Variants in AMOTL1 observed in about 807,000 individuals in gnomAD.
AMOTL1 encodes angiomotin-like protein 1.
A neutral mutation model predicts 102.9 loss-of-function variants in AMOTL1; 45 were observed. That is an observed-to-expected ratio of 0.44 (90% CI 0.34 to 0.56). The LOEUF (loss-of-function observed/expected upper bound fraction) is 0.56. Among genes scored for constraint, AMOTL1 ranks in the 20% least tolerant of loss-of-function variants. The probability of loss-of-function intolerance (pLI) is 0.01; values close to 1 mark genes in which losing one functional copy is unlikely to be tolerated. For missense variants in AMOTL1, 1,114 were observed against 1,225.6 expected, an observed-to-expected ratio of 0.91 and a Z score of 1.36; for synonymous variants, 481 against 484.7, an observed-to-expected ratio of 0.99 and a Z score of 0.10.
chr11:94,850,227 G>A lies in AMOTL1; in HGVS notation c.1762G>A (p.Ala588Thr), dbSNP rs569228643. 3 of 1,595,628 alleles carry A rather than the reference G, an allele frequency of 1.9e-6. No individual in the cohort carries two copies. The highest frequency in any genetic ancestry group is 1.7e-6 in the Non-Finnish European group (2 of 1,170,964). The change falls in exon 7 of 13, where the codon GCC becomes ACC. Residue 588 changes from alanine (A) to threonine (T), a missense_variant. Coordinates refer to ENST00000433060, the MANE Select transcript of AMOTL1 (RefSeq NM_130847.3). Reference sequence around the variant, plus strand: ...GATCCTGGACCAGGCTTTGAGCAACGCCCAGGCCAGGGTCATCAAGCTGGA... The same window carrying A: ...GATCCTGGACCAGGCTTTGAGCAACACCCAGGCCAGGGTCATCAAGCTGGA... ...IEILDQALSN[A>T]QARVIKLEEE...
intron 3 of AMOTL1, among the ~76,000 whole-genome samples, chr11:94,814,050 A>G (rs1951726018): frequency 6.6e-6 from 1 of 152,196 alleles, no homozygotes; most frequent in African/African-American, 2.4e-5. Context: ...CTACTCAGGT[A>G]GCTTCGGGTG....
chr11:94,723,502 T>A (rs1244712376), intron 1 of AMOTL1, among the ~76,000 whole-genome samples: 1 of 152,136 alleles, frequency 6.6e-6, no homozygotes, highest in South Asian at 2.1e-4. Context: ...ATAGCACAAA[T>A]TATTTATTGG....
intron 1 of AMOTL1, among the ~76,000 whole-genome samples, chr11:94,770,822 G>C (rs1374315220): frequency 1.3e-5 from 2 of 152,182 alleles, no homozygotes; most frequent in Non-Finnish European, 2.9e-5. Flanking sequence ...GATTTTATGG[G>C]AAAGCACTCC....
chr11:94,826,745 C>T (rs1951972530), intron 4 of AMOTL1, among the ~76,000 whole-genome samples: 1 of 152,232 alleles, frequency 6.6e-6, no homozygotes, highest in Non-Finnish European at 1.5e-5. Context: ...AATGTCACCA[C>T]ACTGGGAATC....
intron 8 of AMOTL1, among the ~76,000 whole-genome samples, chr11:94,858,977 C>CT (rs1438944942): frequency 6.6e-6 from 1 of 152,166 alleles, no homozygotes; most frequent in Non-Finnish European, 1.5e-5. Flanking sequence ...TCTCAGGCCT[C>CT]TGAGTGGGGC....
intron 11 of AMOTL1, 175 bp downstream of exon 11, chr11:94,866,343 A>G: frequency 1.5e-6 from 1 of 658,052 alleles, no homozygotes; most frequent in Non-Finnish European, 2.6e-6. Flanking sequence ...AGCATTGTGT[A>G]AATTCTAAAG....
At chr11:94,831,625 G>C in intron 6 of AMOTL1, 84 bp downstream of exon 6, 1 of 1,209,860 alleles carries the variant, frequency 8.3e-7, no homozygotes, top group Non-Finnish European at 1.2e-6. Flanking sequence ...GTTTCAAGTG[G>C]GTTTTGTGCT....
Position 94,859,592 on chromosome 11 carries a change from G to A in AMOTL1, c.2012G>A (p.Arg671Gln), listed in dbSNP as rs376912369. The A allele has an allele frequency of 5.0e-6, 8 of 1,613,890 alleles. 1 individual carries two copies. The highest frequency in any genetic ancestry group is 4.0e-5 in the African/African-American group (3 of 75,040). Reference sequence around the variant, plus strand: ...GCCCCAGCCCTCCTGGAACTTGTGCGGGAGAAGGAGGAGCGGATCCTGGCC... The same window carrying A: ...GCCCCAGCCCTCCTGGAACTTGTGCAGGAGAAGGAGGAGCGGATCCTGGCC... ...YNAPALLELV[R>Q]EKEERILALE... The change falls in exon 9 of 13, where the codon CGG becomes CAG. Residue 671 changes from arginine to glutamine, a missense_variant. Physicochemically the swap from Arg to Gln is conservative, Grantham distance 43. Coordinates refer to ENST00000433060, the MANE Select transcript of AMOTL1 (RefSeq NM_130847.3).
chr11:94,750,428 G>A (rs1035746948), intron 3 of AMOTL1, among the ~76,000 whole-genome samples: 11 of 152,120 alleles, frequency 7.2e-5, no homozygotes, highest in African/African-American at 2.7e-4. Flanking sequence ...GTTTCCCAGG[G>A]TCCTACTCTC....
chr11:94,757,943 T>C (rs1200090145), intron 3 of AMOTL1, among the ~76,000 whole-genome samples: 1 of 152,092 alleles, frequency 6.6e-6, no homozygotes, highest in Non-Finnish European at 1.5e-5. Context: ...ATGCCTGCAA[T>C]CCCAGCTACT....
At chr11:94,837,234 A>G (rs1425134707) in intron 6 of AMOTL1, among the ~76,000 whole-genome samples, 1 of 152,206 alleles carries the variant, frequency 6.6e-6, no homozygotes, top group Admixed American at 6.5e-5. Flanking sequence ...AGAGACCTGA[A>G]GTTAGATGCT....
chr11:94,850,167 C>G lies in AMOTL1; in HGVS notation c.1702C>G (p.Arg568Gly). The G allele has an allele frequency of 6.3e-7, 1 of 1,589,422 alleles. No individual in the cohort carries two copies. The highest frequency in any genetic ancestry group is 8.6e-7 in the Non-Finnish European group (1 of 1,167,528). The change falls in exon 7 of 13, where the codon CGG becomes GGG. Residue 568 changes from arginine to glycine, a missense_variant. Physicochemically the swap from Arg to Gly is moderately radical, Grantham distance 125 (BLOSUM62 -2). Coordinates refer to ENST00000433060, the MANE Select transcript of AMOTL1 (RefSeq NM_130847.3). ...ATTAGAAATGGAGTTAGCAGCAGTG[C>G]GGACTGCAAGTGAGGACCATCGGAG... ...EKLEMELAAV[R>G]TASEDHRRHI... is the part of the protein sequence containing the mutation.
intron 4 of AMOTL1, among the ~76,000 whole-genome samples, chr11:94,828,091 T>C (rs1254579402): frequency 6.6e-6 from 1 of 152,188 alleles, no homozygotes; most frequent in African/African-American, 2.4e-5. Context: ...GTGCAGCAGG[T>C]TCCTCAAACA....
chr11:94,707,240 C>CGA (rs1949944070), intron 1 of AMOTL1, among the ~76,000 whole-genome samples: 1 of 86,908 alleles, frequency 1.2e-5, no homozygotes, highest in Non-Finnish European at 2.9e-5. Context: ...CTCTCTCTCT[C>CGA]TCTCTCTCTC....
chr11:94,771,594 G>A (rs996991770), intron 1 of AMOTL1, among the ~76,000 whole-genome samples: 1 of 152,140 alleles, frequency 6.6e-6, no homozygotes, highest in African/African-American at 2.4e-5. Context: ...GAGGTACAAT[G>A]TAAATCTTGG....
At chr11:94,741,053 G>A in intron 3 of AMOTL1, 1 of 1,242,720 alleles carries the variant, frequency 8.0e-7, no homozygotes, top group East Asian at 5.6e-5. Flanking sequence ...GCGAGTTTGG[G>A]GGGCGTCCAT....
At chr11:94,754,148 A>G (rs888393426) in intron 3 of AMOTL1, among the ~76,000 whole-genome samples, 1 of 152,210 alleles carries the variant, frequency 6.6e-6, no homozygotes, top group Non-Finnish European at 1.5e-5. Flanking sequence ...TTGGCACTCT[A>G]TGAGCAATTT....
chr11:94,859,302 T>A (rs1049579655), intron 8 of AMOTL1, among the ~76,000 whole-genome samples: 1 of 152,188 alleles, frequency 6.6e-6, no homozygotes, highest in Non-Finnish European at 1.5e-5. Context: ...GCATCATTAA[T>A]TTAATCCATC....
intron 4 of AMOTL1, among the ~76,000 whole-genome samples, chr11:94,828,721 T>C (rs991763837): frequency 1.3e-5 from 2 of 152,170 alleles, no homozygotes; most frequent in Non-Finnish European, 2.9e-5. Flanking sequence ...TATTTATTAT[T>C]TATAGGAGTC....
Sources: gnomAD v4.1 joint callset for allele counts (sites outside exome capture counted in the v4.1 genomes callset) on GRCh38, gnomAD v4.1.1 for gene constraint, MANE v1.5 for transcripts, NCBI Gene and HGNC (gene_info 2026-07-23, HGNC 2026-07-21) for gene names.